AMD1: variants seen among roughly 807,000 people sequenced by gnomAD.
AMD1 encodes the protein S-adenosylmethionine decarboxylase proenzyme.
AMD1 carries 11 observed loss-of-function variants against 40.2 expected under a neutral mutation model. The ratio of observed to expected loss-of-function variants is 0.27; its 90% confidence interval spans 0.17 to 0.45. The LOEUF is 0.45. Among genes scored for constraint, AMD1 ranks in the 20% least tolerant of loss-of-function variants. The pLI is 1.00. For missense variants in AMD1, 257 were observed against 410.2 expected, an observed-to-expected ratio of 0.63 and a Z score of 3.23; for synonymous variants, 121 against 130.8, an observed-to-expected ratio of 0.93 and a Z score of 0.51.
chr6:110,836,037 A>AG, the AMD1 span, among the ~76,000 whole-genome samples: 17 of 149,348 alleles, frequency 1.1e-4, no homozygotes, highest in South Asian at 1.1e-3. Context: ...AAAAAAAAAA[A>AG]TCACTGAAGC....
At chr6:110,856,364 TACTC>T in the AMD1 span, 1 of 152,242 alleles carries the variant, frequency 6.6e-6, no homozygotes, top group South Asian at 2.1e-4. Flanking sequence ...CTGAGCTAGT[TACTC>T]AAAGTCGAAG....
chr6:110,895,653 G>C lies in AMD1; in HGVS notation c.*2037G>C, dbSNP rs1355716603. ...GTGTTGGACTTAAATCAGTTGAAAT[G>C]TATTTCTGTACCACAATTTACGCTT... On this transcript the variant is annotated 3_prime_UTR_variant, in exon 9 of 9. Transcript: ENST00000368885. 1.3e-5 allele frequency: 2 copies of C among 152,598 alleles called. No homozygotes were observed. The highest frequency in any genetic ancestry group is 2.9e-5 in the Non-Finnish European group (2 of 68,028). The allele number at this position is 152,598 out of a possible 1,614,324, so 9.5% of individuals were successfully genotyped here. A position where few individuals can be genotyped will look rare whatever the true frequency, so the allele number is the denominator to read the frequency against.
At chr6:110,884,190 TAACAC>T (rs1160531339) in intron 1 of AMD1, among the ~76,000 whole-genome samples, 13 of 152,174 alleles carry the variant, frequency 8.5e-5, no homozygotes, top group African/African-American at 2.9e-4. Flanking sequence ...ACTGGAACCA[TAACAC>T]AACCTAGAAA....
At chr6:110,867,234 A>G in the AMD1 span, among the ~76,000 whole-genome samples, 3 of 151,780 alleles carry the variant, frequency 2.0e-5, no homozygotes, top group African/African-American at 7.3e-5. Flanking sequence ...TGTAACCTCA[A>G]ATTCCTGGGT....
chr6:110,882,872 A>T (rs1477515644), intron 1 of AMD1, among the ~76,000 whole-genome samples: 1 of 152,204 alleles, frequency 6.6e-6, no homozygotes, highest in Non-Finnish European at 1.5e-5. Context: ...TAATCCTAGC[A>T]CTTTGGGAAG....
chr6:110,848,605 A>C, the AMD1 span: 1 of 559,970 alleles, frequency 1.8e-6, no homozygotes, highest in South Asian at 1.8e-5. Flanking sequence ...GGTGCAAAAA[A>C]TAAATCTTCT....
In AMD1 at chr6:110,876,335, C is replaced by T. The variant is rs940887918; in HGVS notation, c.110+1120C>T. On this transcript the variant is annotated intron_variant, in intron 1 of 8. Transcript: ENST00000368885. ...GAGTGCGGCTAGGGTGGCGGTGCAG[C>T]GGAGTAACTGGCGTGGCCAGCTTCA... is the stretch of plus-strand genomic sequence containing the variant. Among the ~76,000 whole-genome samples, 7 of 152,316 alleles carry T rather than the reference C, an allele frequency of 4.6e-5. No individual in the cohort carries two copies. The East Asian group carries it at 1.4e-3, about 29-fold the overall frequency.
the AMD1 span, among the ~76,000 whole-genome samples, chr6:110,841,732 T>TA: frequency 4.2e-3 from 579 of 137,130 alleles, 2 homozygotes; most frequent in Middle Eastern, 7.1e-3. Flanking sequence ...ATGCCCCCAT[T>TA]AAAAAAAAAA....
chr6:110,888,611 CTT>C (rs895245960), intron 2 of AMD1: 292 of 234,596 alleles, frequency 1.2e-3, no homozygotes, highest in East Asian at 2.8e-3. Context: ...TGGCCTCTCT[CTT>C]TTTTTTTTTT....
chr6:110,846,739 G>A, the AMD1 span, among the ~76,000 whole-genome samples: 11 of 152,014 alleles, frequency 7.2e-5, no homozygotes, highest in East Asian at 7.7e-4. Context: ...GTGTGGTGGC[G>A]TGTGCCTGTA....
chr6:110,893,506 C>T lies in AMD1; in HGVS notation c.895C>T (p.Pro299Ser), dbSNP rs1786153154. ...TAAATGTCGCACAGTGCTTGCTTCG[C>T]CCCAGAAGATTGAAGGTTTTAAGCG... ...SSKCRTVLAS[P>S]QKIEGFKRLD... The change falls in exon 9 of 9, where the codon CCC becomes TCC. Residue 299 changes from proline (P) to serine (S), a missense_variant. By Grantham distance (74) the Pro-to-Ser change is moderately conservative. Transcript: ENST00000368885. The T allele has an allele frequency of 6.2e-7, 1 of 1,613,812 alleles. No individual in the cohort carries two copies. Among genetic ancestry groups the T allele is most frequent in the Non-Finnish European group, 8.5e-7 (1 of 1,179,878 alleles).
chr6:110,832,259 C>T, the AMD1 span, among the ~76,000 whole-genome samples: 5 of 152,054 alleles, frequency 3.3e-5, no homozygotes, highest in East Asian at 9.7e-4. Flanking sequence ...CCTGCTTTAG[C>T]CCCCCAAAGT....
chr6:110,869,923 T>C (rs73534845), upstream of AMD1, among the ~76,000 whole-genome samples: 1,748 of 151,646 alleles, frequency 0.012, 33 homozygotes, highest in African/African-American at 0.04. Context: ...CTTTCTTCTT[T>C]TTTAAATAGA....
At chr6:110,848,882 G>A in the AMD1 span, among the ~76,000 whole-genome samples, 24 of 152,274 alleles carry the variant, frequency 1.6e-4, no homozygotes, top group African/African-American at 5.8e-4. Flanking sequence ...GCATGTACCT[G>A]TAGTTGCAGC....
chr6:110,829,817 G>C, the AMD1 span, among the ~76,000 whole-genome samples: 1 of 151,948 alleles, frequency 6.6e-6, no homozygotes, highest in African/African-American at 2.4e-5. Context: ...CTGCACTCTA[G>C]CCTGCATGAC....
the AMD1 span, chr6:110,815,241 TCGCGCGCGCG>T: frequency 3.5e-6 from 4 of 1,130,314 alleles, no homozygotes; most frequent in Non-Finnish European, 1.1e-6. Flanking sequence ...CAGCCGCCTC[TCGCGCGCGCG>T]CGCGCGCCGC....
At chr6:110,883,687 G>T (rs1785525339) in intron 1 of AMD1, among the ~76,000 whole-genome samples, 1 of 152,128 alleles carries the variant, frequency 6.6e-6, no homozygotes, top group Non-Finnish European at 1.5e-5. Context: ...CGCCTTCCGG[G>T]TTCATGCCAT....
the AMD1 span, chr6:110,864,510 C>T: frequency 5.2e-5 from 8 of 152,730 alleles, no homozygotes; most frequent in Admixed American, 3.9e-4. Context: ...ATGTTTTATA[C>T]AAAAAAATCT....
chr6:110,874,610 G>A (rs1013121995), upstream of AMD1, among the ~76,000 whole-genome samples: 2 of 152,188 alleles, frequency 1.3e-5, no homozygotes, highest in Non-Finnish European at 2.9e-5. Flanking sequence ...GAGCCGCAGC[G>A]CAGTGGGCAG....
Sources: gnomAD v4.1 joint callset for allele counts (sites outside exome capture counted in the v4.1 genomes callset) on GRCh38, gnomAD v4.1.1 for gene constraint, MANE v1.5 for transcripts, NCBI Gene and HGNC (gene_info 2026-07-23, HGNC 2026-07-21) for gene names.